The following CD2AP variants were observed in gnomAD, a reference collection of about 807,000 sequenced individuals.
CD2AP encodes CD2-associated protein.
Under a neutral mutation model 85.1 loss-of-function variants are expected in CD2AP, and 46 were observed. That is an observed-to-expected ratio of 0.54 (90% CI 0.43 to 0.69). The LOEUF is 0.69. Among genes scored for constraint, CD2AP ranks in the 30% least tolerant of loss-of-function variants. The probability of loss-of-function intolerance (pLI) is 0.00; values close to 1 mark genes in which losing one functional copy is unlikely to be tolerated. For missense variants in CD2AP, 769 were observed against 729.5 expected (o/e 1.05, Z -0.62); for synonymous variants, 255 against 252.9 (o/e 1.01, Z -0.08).
chr6:47,522,678 G>GT (rs961657637), intron 2 of CD2AP, among the ~76,000 whole-genome samples: 5 of 151,866 alleles, frequency 3.3e-5, no homozygotes, highest in African/African-American at 4.8e-5. Flanking sequence ...TCACTCAGAT[G>GT]TTTTTTCTTG....
intron 1 of CD2AP, among the ~76,000 whole-genome samples, chr6:47,482,388 T>A (rs1296333515): frequency 6.6e-6 from 1 of 150,504 alleles, no homozygotes; most frequent in East Asian, 1.9e-4. Context: ...GTCTTTTTTT[T>A]TTTTTTTTGA....
chr6:47,512,018 C>G (rs1045562173), intron 2 of CD2AP, among the ~76,000 whole-genome samples: 1 of 152,004 alleles, frequency 6.6e-6, no homozygotes, highest in African/African-American at 2.4e-5. Flanking sequence ...ATTAGCTGGG[C>G]GTAGTGGCGG....
At chr6:47,489,198 G>T (rs1309238796) in intron 1 of CD2AP, 1 of 129,000 alleles carries the variant, frequency 7.8e-6, no homozygotes, top group African/African-American at 3.0e-5. Flanking sequence ...GAGAAGTCTC[G>T]CTCTTGTCCC....
At chr6:47,563,006 C>A in intron 5 of CD2AP, 2 of 383,548 alleles carry the variant, frequency 5.2e-6, no homozygotes, top group Non-Finnish European at 9.5e-6. Flanking sequence ...AAGAGTCCTT[C>A]AAATGCAAGA....
At position 47,510,353 on chromosome 6, in the gene CD2AP, A is replaced by G. The variant is rs577643999; in HGVS notation, c.165+6913A>G. On this transcript the variant is annotated intron_variant, in intron 2 of 17. Coordinates refer to ENST00000359314, the MANE Select transcript of CD2AP (RefSeq NM_012120.3). ...AGCCGTGAGTACATCCAGTGCCCAG[A>G]TCTTGATTTCCAAATACCATTCTCT... Among the ~76,000 whole-genome samples, 5 of 152,336 alleles carry G rather than the reference A, an allele frequency of 3.3e-5. No individual in the cohort carries two copies. The South Asian group carries it at 1.0e-3, about 32-fold the overall frequency.
At chr6:47,544,537 G>A (rs1276446831) in intron 3 of CD2AP, 69 bp from the exon 4 acceptor site, 4 of 954,464 alleles carry the variant, frequency 4.2e-6, no homozygotes, top group African/African-American at 3.2e-5. Context: ...ACTAAACATG[G>A]CATGTAAATA....
At chr6:47,540,860 T>C (rs1767196275) in intron 3 of CD2AP, among the ~76,000 whole-genome samples, 2 of 152,244 alleles carry the variant, frequency 1.3e-5, no homozygotes, top group South Asian at 4.1e-4. Flanking sequence ...TTTTCAATAA[T>C]ATGGATTGTT....
intron 3 of CD2AP, among the ~76,000 whole-genome samples, chr6:47,534,763 T>G (rs1332641735): frequency 2.0e-5 from 3 of 152,058 alleles, no homozygotes; most frequent in Non-Finnish European, 2.9e-5. Context: ...AGCAAATGTT[T>G]TAACACAGTA....
At chr6:47,573,345 T>A (rs1462479233) in intron 5 of CD2AP, among the ~76,000 whole-genome samples, 1 of 152,150 alleles carries the variant, frequency 6.6e-6, no homozygotes, top group Non-Finnish European at 1.5e-5. Context: ...TTTTTGAACA[T>A]TCCCAGTTTT....
intron 4 of CD2AP, among the ~76,000 whole-genome samples, chr6:47,550,403 A>G (rs955436617): frequency 6.6e-5 from 10 of 152,228 alleles, no homozygotes; most frequent in African/African-American, 2.2e-4. Context: ...CCTAATAGAC[A>G]GTTCTCAAAA....
intron 4 of CD2AP, among the ~76,000 whole-genome samples, chr6:47,551,440 A>G (rs2114057256): frequency 6.6e-6 from 1 of 152,346 alleles, no homozygotes; most frequent in South Asian, 2.1e-4. Context: ...TGGTTGCAGT[A>G]ATAATAGTTA....
chr6:47,542,620 A>G (rs977295529), intron 3 of CD2AP, among the ~76,000 whole-genome samples: 16 of 152,300 alleles, frequency 1.1e-4, no homozygotes, highest in African/African-American at 3.4e-4. Context: ...CTCACCAGAT[A>G]TAAAATCTGC....
chr6:47,544,973 A>G (rs1429378623), intron 4 of CD2AP: 4 of 309,194 alleles, frequency 1.3e-5, no homozygotes, highest in Non-Finnish European at 2.4e-5. Flanking sequence ...TTGATTCTGA[A>G]TTTACCATAG....
intron 1 of CD2AP, among the ~76,000 whole-genome samples, chr6:47,495,738 G>A (rs1026581512): frequency 6.6e-6 from 1 of 152,194 alleles, no homozygotes; most frequent in Non-Finnish European, 1.5e-5. Context: ...TGGGAGTGAT[G>A]ACTTTAAAGC....
Position 47,547,064 on chromosome 6 carries a change from C to G in CD2AP, c.420+2358C>G, listed in dbSNP as rs145050270. Reference sequence around the variant, plus strand: ...AGCAAATCCTAGAAACACATCAAAACAGAACCTCTTTGAAGCATAAATCTC... The same window carrying G: ...AGCAAATCCTAGAAACACATCAAAAGAGAACCTCTTTGAAGCATAAATCTC... On this transcript the variant is annotated intron_variant, in intron 4 of 17. Coordinates refer to ENST00000359314, the MANE Select transcript of CD2AP (RefSeq NM_012120.3). Among the ~76,000 whole-genome samples, 368 of 152,182 alleles carry G rather than the reference C, an allele frequency of 2.4e-3. 13 individuals carry two copies. The East Asian group carries it at 0.067, about 28-fold the overall frequency.
chr6:47,567,128 AT>A (rs1412535670), intron 5 of CD2AP, among the ~76,000 whole-genome samples: 1 of 150,170 alleles, frequency 6.7e-6, no homozygotes, highest in African/African-American at 2.5e-5. Flanking sequence ...CATATGGGGT[AT>A]GGAAATTTGG....
intron 5 of CD2AP, among the ~76,000 whole-genome samples, chr6:47,561,427 AC>A (rs1767858737): frequency 6.6e-6 from 1 of 151,410 alleles, no homozygotes; most frequent in South Asian, 2.1e-4. Context: ...CTCATTTTGA[AC>A]CTTCCCTACC....
chr6:47,486,852 A>C (rs1235781090), intron 1 of CD2AP, among the ~76,000 whole-genome samples: 2 of 152,238 alleles, frequency 1.3e-5, no homozygotes, highest in African/African-American at 4.8e-5. Context: ...AGAAGCTCAT[A>C]TACTGTATTT....
Position 47,479,871 on chromosome 6 carries a change from CCAT to C in CD2AP, c.4+1628_4+1630del, listed in dbSNP as rs71829076. Among the ~76,000 whole-genome samples the C allele has an allele frequency of 2.4e-3, 362 of 152,018 alleles. 1 individual carries two copies. The highest frequency in any genetic ancestry group is 8.5e-3 in the African/African-American group (352 of 41,462). Reference sequence around the variant, plus strand: ...TGTGCTTGTAACTGATTAGTGTCCCCCATCATCTTTCCTTTTCTAATTTTTTTT... The same window carrying C: ...TGTGCTTGTAACTGATTAGTGTCCCCCATCTTTCCTTTTCTAATTTTTTTT... On this transcript the variant is annotated intron_variant, in intron 1 of 17. Coordinates refer to ENST00000359314, the MANE Select transcript of CD2AP (RefSeq NM_012120.3).
Sources: allele counts gnomAD v4.1 joint callset (sites outside exome capture counted in the v4.1 genomes callset), GRCh38; gene constraint gnomAD v4.1.1; transcripts MANE v1.5; gene names NCBI Gene and HGNC (gene_info 2026-07-23, HGNC 2026-07-21).